Variants in PAPOLG observed in about 807,000 individuals in gnomAD.
The protein encoded by PAPOLG is PAP-gamma.
Under a neutral mutation model 99.0 loss-of-function variants are expected in PAPOLG, and 40 were observed. The observed-to-expected ratio is 0.40, with a 90% CI of 0.31 to 0.53. The LOEUF (loss-of-function observed/expected upper bound fraction) is 0.53, where lower values mean the gene tolerates loss of function less well. Ranked by LOEUF, PAPOLG falls within the 20% of genes least tolerant of loss-of-function variation. The probability of loss-of-function intolerance (pLI) is 0.41; values close to 1 mark genes in which losing one functional copy is unlikely to be tolerated. For synonymous variants in PAPOLG, 310 were observed against 299.3 expected (o/e 1.04, Z -0.37); for missense variants, 675 against 884.1 (o/e 0.76, Z 3.00).
intron 13 of PAPOLG, among the ~76,000 whole-genome samples, chr2:60,784,422 TG>T (rs1449892896): frequency 2.0e-5 from 3 of 152,364 alleles, no homozygotes; most frequent in South Asian, 4.1e-4. Context: ...CAAGAAGTAG[TG>T]TGTTCTTTCT....
intron 10 of PAPOLG, 57 bp downstream of exon 10, chr2:60,780,836 A>G: frequency 7.4e-7 from 1 of 1,343,730 alleles, no homozygotes; most frequent in Non-Finnish European, 1.1e-6. Flanking sequence ...ACATTTCACT[A>G]AATTACAGTC....
Position 60,793,718 on chromosome 2 carries a change from A to C in PAPOLG, c.1768+3A>C, listed in dbSNP as rs995483176. ...TTCCATTCCAGTGATTGGCGCAAGT[A>C]GGTATCTAAACTTGTATATATTAAT... On this transcript the variant is annotated splice_donor_region_variant and intron_variant, in intron 18 of 21. Coordinates refer to ENST00000238714, the MANE Select transcript of PAPOLG (RefSeq NM_022894.4). 6.2e-7 allele frequency: 1 copy of C among 1,612,460 alleles called. No individual in the cohort carries two copies. The highest frequency in any genetic ancestry group is 8.5e-7 in the Non-Finnish European group (1 of 1,179,010).
chr2:60,786,858 T>G (rs1671378345), intron 13 of PAPOLG, 89 bp from the exon 14 acceptor site: 3 of 1,470,088 alleles, frequency 2.0e-6, no homozygotes, highest in Non-Finnish European at 2.7e-6. Context: ...ATGTAAAGCT[T>G]CGTAGTTAAT....
intron 3 of PAPOLG, among the ~76,000 whole-genome samples, chr2:60,763,803 C>A (rs1255461147): frequency 6.6e-6 from 1 of 151,120 alleles, no homozygotes; most frequent in Admixed American, 6.6e-5. Flanking sequence ...CACACCTGGC[C>A]TTGGTTTTGT....
rs146499389 is a variant in PAPOLG at position 60,785,427 on chromosome 2, G to A, written c.1167-1520G>A. Among the ~76,000 whole-genome samples the A allele has an allele frequency of 7.2e-3, 1,102 of 152,224 alleles. 7 individuals carry two copies. Among genetic ancestry groups the A allele is most frequent in the African/African-American group, 0.025 (1,047 of 41,560 alleles). Reference sequence around the variant, plus strand: ...GCTGGGATTACAGGCGTTAGCCACCGTGCCCAGCCCGTGAATTTTTTTAAA... The same window carrying A: ...GCTGGGATTACAGGCGTTAGCCACCATGCCCAGCCCGTGAATTTTTTTAAA... On this transcript the variant is annotated intron_variant, in intron 13 of 21. Coordinates refer to ENST00000238714, the MANE Select transcript of PAPOLG (RefSeq NM_022894.4).
intron 3 of PAPOLG, among the ~76,000 whole-genome samples, chr2:60,762,816 G>A (rs1273364673): frequency 2.6e-5 from 4 of 151,838 alleles, no homozygotes; most frequent in Admixed American, 6.6e-5. Flanking sequence ...TAGTAGAGAC[G>A]TGGTTTCATC....
chr2:60,782,136 T>A, intron 11 of PAPOLG, 131 bp downstream of exon 11: 1 of 994,972 alleles, frequency 1.0e-6, no homozygotes, highest in Non-Finnish European at 1.5e-6. Flanking sequence ...TCAAGTATGG[T>A]TATTTTGTTT....
Position 60,795,191 on chromosome 2 carries a change from G to C in PAPOLG, c.2112+171G>C, listed in dbSNP as rs532445235. 464 of 661,306 alleles carry C rather than the reference G, an allele frequency of 7.0e-4. No homozygotes were observed. In the African/African-American group the frequency reaches 7.6e-3, roughly 11 times the overall value. 41.0% of individuals were successfully genotyped at this position (661,306 alleles called of 1,614,324 possible). On this transcript the variant is annotated intron_variant, in intron 21 of 21. Transcript: ENST00000238714. ...TTGGAGATAGCAAGTATATAGTTCT[G>C]AATGTATGTACCTCAAAAGTCTAAA...
At chr2:60,767,810 C>T (rs7599341) in intron 3 of PAPOLG, among the ~76,000 whole-genome samples, 73,285 of 152,034 alleles carry the variant, frequency 0.48, 18,306 homozygotes, top group Middle Eastern at 0.6. Flanking sequence ...GCACATTAGT[C>T]TGGTAACTGA....
At chr2:60,781,356 CA>C (rs567068468) in intron 10 of PAPOLG, among the ~76,000 whole-genome samples, 8 of 142,116 alleles carry the variant, frequency 5.6e-5, no homozygotes, top group Admixed American at 7.0e-5. Flanking sequence ...GACTTCGTCT[CA>C]AAAAAAAAAA....
At chr2:60,760,502 A>C (rs1483325336) in intron 2 of PAPOLG, among the ~76,000 whole-genome samples, 1 of 152,222 alleles carries the variant, frequency 6.6e-6, no homozygotes, top group Non-Finnish European at 1.5e-5. Context: ...CATGAGTAAT[A>C]TTACACATGA....
intron 3 of PAPOLG, among the ~76,000 whole-genome samples, chr2:60,762,198 A>C (rs2103758648): frequency 6.6e-6 from 1 of 151,558 alleles, no homozygotes; most frequent in African/African-American, 2.4e-5. Flanking sequence ...GGCCCCCACC[A>C]CTCCCTGTTT....
rs1243707173 is a variant in PAPOLG, at chr2:60,772,032, GCTT to G, written c.604+406_604+408del. On this transcript the variant is annotated intron_variant, in intron 7 of 21. Coordinates refer to ENST00000238714, the MANE Select transcript of PAPOLG (RefSeq NM_022894.4). The stretch of plus-strand genomic sequence containing the variant: ...TATAAACTTTTGTGTGTGAAGAATG[GCTT>G]CTTTTTTTTTTTTAACATTTTGCAA... Among the ~76,000 whole-genome samples the G allele has an allele frequency of 1.3e-3, 197 of 151,416 alleles. 3 individuals are homozygous for G. The highest frequency in any genetic ancestry group is 0.013 in the Admixed American group (192 of 15,248).
chr2:60,775,244 C>T (rs1670981644), intron 8 of PAPOLG, 121 bp downstream of exon 8: 4 of 1,154,376 alleles, frequency 3.5e-6, no homozygotes, highest in Non-Finnish European at 4.8e-6. Context: ...GGCCAATAAA[C>T]TCTGTAATAG....
At chr2:60,787,225 A>G (rs1311835693) in intron 14 of PAPOLG, among the ~76,000 whole-genome samples, 159 bp downstream of exon 14, 2 of 152,206 alleles carry the variant, frequency 1.3e-5, no homozygotes, top group East Asian at 1.9e-4. Context: ...AAATAAGTAC[A>G]TAACTACTTT....
chr2:60,762,204 T>C (rs1670540241), intron 3 of PAPOLG, among the ~76,000 whole-genome samples: 1 of 152,136 alleles, frequency 6.6e-6, no homozygotes, highest in Admixed American at 6.5e-5. Flanking sequence ...CACCACTCCC[T>C]GTTTTCTTTG....
intron 7 of PAPOLG, among the ~76,000 whole-genome samples, chr2:60,773,185 A>C (rs971551368): frequency 6.6e-6 from 1 of 152,158 alleles, no homozygotes; most frequent in Non-Finnish European, 1.5e-5. Flanking sequence ...TCAGCCTCCC[A>C]AAGTGCTGGG....
At chr2:60,783,874 T>G (rs1223079956) in intron 13 of PAPOLG, among the ~76,000 whole-genome samples, 2 of 152,250 alleles carry the variant, frequency 1.3e-5, no homozygotes, top group Admixed American at 1.3e-4. Flanking sequence ...AAGACACATG[T>G]ATAGATGTTG....
chr2:60,780,304 A>G (rs1055573396), intron 9 of PAPOLG, among the ~76,000 whole-genome samples: 1 of 148,910 alleles, frequency 6.7e-6, no homozygotes, highest in African/African-American at 2.5e-5. Context: ...TAATTGAGAC[A>G]GGGTCTCACT....
Sources: allele counts gnomAD v4.1 joint callset (sites outside exome capture counted in the v4.1 genomes callset), GRCh38; gene constraint gnomAD v4.1.1; transcripts MANE v1.5; gene names NCBI Gene and HGNC (gene_info 2026-07-23, HGNC 2026-07-21).